Variants in KCNH8 observed in about 807,000 individuals in gnomAD.
The protein encoded by KCNH8 is potassium voltage-gated channel subfamily H member 8.
In KCNH8, 70 loss-of-function variants were observed where a neutral mutation model predicts 103.6. The observed-to-expected ratio is 0.68, with a 90% CI of 0.56 to 0.82. The LOEUF (loss-of-function observed/expected upper bound fraction) is 0.82. Among genes scored for constraint, KCNH8 ranks in the 40% least tolerant of loss-of-function variants. The pLI is 0.00. For synonymous variants in KCNH8, 498 were observed against 489.4 expected (o/e 1.02, Z -0.23); for missense variants, 1,217 against 1,329.9 (o/e 0.92, Z 1.32).
At chr3:19,340,358 T>TTA (rs1559483195) in intron 3 of KCNH8, among the ~76,000 whole-genome samples, 16 of 54,554 alleles carry the variant, frequency 2.9e-4, no homozygotes, top group Admixed American at 1.6e-3. Flanking sequence ...TTTTTTTTAA[T>TTA]TTTTTTTTTT....
At chr3:19,163,008 G>T (rs1010087658) in intron 1 of KCNH8, among the ~76,000 whole-genome samples, 2 of 151,618 alleles carry the variant, frequency 1.3e-5, no homozygotes. Context: ...AAATTTTTAT[G>T]GTCTGTTGTG....
At chr3:19,439,650 A>G (rs553563734) in intron 8 of KCNH8, among the ~76,000 whole-genome samples, 1 of 152,254 alleles carries the variant, frequency 6.6e-6, no homozygotes, top group Non-Finnish European at 1.5e-5. Context: ...TGCAGAGATC[A>G]TGCTAACAAC....
intron 1 of KCNH8, among the ~76,000 whole-genome samples, chr3:19,208,063 C>T (rs2063734507): frequency 6.6e-6 from 1 of 151,890 alleles, no homozygotes. Context: ...TAATAAAACT[C>T]TAGCACTTAC....
intron 11 of KCNH8, among the ~76,000 whole-genome samples, chr3:19,465,167 G>A (rs2067710472): frequency 6.6e-6 from 1 of 152,174 alleles, no homozygotes; most frequent in South Asian, 2.1e-4. Flanking sequence ...AGAGAAGTCA[G>A]TGCCTGGCTT....
At chr3:19,390,012 C>G (rs961916480) in intron 5 of KCNH8, among the ~76,000 whole-genome samples, 5 of 152,076 alleles carry the variant, frequency 3.3e-5, no homozygotes, top group Admixed American at 3.3e-4. Context: ...GACTTGATTT[C>G]TGACTCTTTA....
chr3:19,220,150 G>A (rs1210733876), intron 1 of KCNH8, among the ~76,000 whole-genome samples: 1 of 152,188 alleles, frequency 6.6e-6, no homozygotes, highest in Admixed American at 6.5e-5. Flanking sequence ...CTCATAGAAT[G>A]TGGAGGCTGA....
intron 11 of KCNH8, among the ~76,000 whole-genome samples, chr3:19,460,588 G>A (rs1357945814): frequency 6.6e-6 from 1 of 152,154 alleles, no homozygotes; most frequent in Admixed American, 6.6e-5. Context: ...GCAAGTGCCT[G>A]CAGAAAAACT....
At chr3:19,520,183 AC>A in intron 15 of KCNH8, among the ~76,000 whole-genome samples, 1 of 151,714 alleles carries the variant, frequency 6.6e-6, no homozygotes, top group South Asian at 2.1e-4. Flanking sequence ...GTACCTATCA[AC>A]CCGTCATCTA....
At chr3:19,420,758 T>A (rs1214926476) in intron 7 of KCNH8, among the ~76,000 whole-genome samples, 1 of 152,206 alleles carries the variant, frequency 6.6e-6, no homozygotes, top group Non-Finnish European at 1.5e-5. Context: ...AATACAAATA[T>A]ATCCTCCAAA....
intron 2 of KCNH8, among the ~76,000 whole-genome samples, chr3:19,262,870 AG>A (rs1559448960): frequency 6.6e-6 from 1 of 152,074 alleles, no homozygotes; most frequent in Non-Finnish European, 1.5e-5. Flanking sequence ...CTGGGGAGAA[AG>A]GAAAGATCAT....
chr3:19,496,517 C>A (rs1000269830), intron 11 of KCNH8, among the ~76,000 whole-genome samples: 6 of 152,084 alleles, frequency 3.9e-5, no homozygotes, highest in Non-Finnish European at 8.8e-5. Flanking sequence ...GTATGTTGAA[C>A]CAACTTTGCA....
chr3:19,352,789 C>T (rs1363887154), intron 5 of KCNH8, among the ~76,000 whole-genome samples: 1 of 152,130 alleles, frequency 6.6e-6, no homozygotes, highest in Non-Finnish European at 1.5e-5. Flanking sequence ...CAGGAAAGAT[C>T]TAAAATTGAC....
chr3:19,209,959 G>T (rs1292319102), intron 1 of KCNH8, among the ~76,000 whole-genome samples: 3 of 152,006 alleles, frequency 2.0e-5, no homozygotes, highest in African/African-American at 7.2e-5. Context: ...ATAAACCAAG[G>T]CTAGATATTT....
intron 3 of KCNH8, among the ~76,000 whole-genome samples, chr3:19,289,649 T>C (rs1284898501): frequency 1.3e-5 from 2 of 152,162 alleles, no homozygotes; most frequent in African/African-American, 2.4e-5. Context: ...TAGTTTGAAG[T>C]CAGGTAGCGT....
intron 2 of KCNH8, among the ~76,000 whole-genome samples, chr3:19,271,307 C>T (rs2064584767): frequency 6.6e-6 from 1 of 152,108 alleles, no homozygotes; most frequent in African/African-American, 2.4e-5. Flanking sequence ...TCCATCTCAT[C>T]ATCTTTAAGA....
chr3:19,224,769 G>A (rs760185879), intron 1 of KCNH8, among the ~76,000 whole-genome samples: 1 of 152,058 alleles, frequency 6.6e-6, no homozygotes. Context: ...GCTGTTTTCT[G>A]TTACCAAGAT....
At chr3:19,310,799 T>G (rs1425505839) in intron 3 of KCNH8, among the ~76,000 whole-genome samples, 3 of 151,744 alleles carry the variant, frequency 2.0e-5, no homozygotes, top group African/African-American at 7.3e-5. Flanking sequence ...AAACAGGAGA[T>G]TATAACTATT....
At chr3:19,154,821 G>A (rs1187475186) in intron 1 of KCNH8, among the ~76,000 whole-genome samples, 1 of 152,174 alleles carries the variant, frequency 6.6e-6, no homozygotes, top group Non-Finnish European at 1.5e-5. Flanking sequence ...CTTGATTGGA[G>A]AAATCCCAAC....
At chr3:19,467,368 A>T (rs956925680) in intron 11 of KCNH8, among the ~76,000 whole-genome samples, 1 of 152,140 alleles carries the variant, frequency 6.6e-6, no homozygotes, top group Non-Finnish European at 1.5e-5. Flanking sequence ...ACCTGCAAAG[A>T]AGGCATGGGA....
Sources: allele counts gnomAD v4.1 joint callset (sites outside exome capture counted in the v4.1 genomes callset), GRCh38; gene constraint gnomAD v4.1.1; transcripts MANE v1.5; gene names NCBI Gene and HGNC (gene_info 2026-07-23, HGNC 2026-07-21).